Variants in UGT1A10 observed in about 807,000 individuals in gnomAD.
The protein encoded by UGT1A10 is UDP-glucuronosyltransferase 1A10.
A neutral mutation model predicts 45.8 loss-of-function variants in UGT1A10; 49 were observed. The ratio of observed to expected loss-of-function variants is 1.07; its 90% CI spans 0.85 to 1.36. The LOEUF is 1.36. Among genes scored for constraint, UGT1A10 ranks in the 40% most tolerant of loss-of-function variants. The pLI is 0.00. For synonymous variants in UGT1A10, 284 were observed against 249.7 expected (o/e 1.14, Z -1.29); for missense variants, 745 against 668.6 (o/e 1.11, Z -1.26).
At chr2:233,712,949 A>G (rs374838145) in intron 1 of UGT1A10, 2 of 1,612,750 alleles carry the variant, frequency 1.2e-6, no homozygotes, top group Non-Finnish European at 1.7e-6. Flanking sequence ...TCTAGGAGGC[A>G]CAACGTGGGG....
In UGT1A10 at chr2:233,734,566, T is replaced by C. The variant is rs182305779; in HGVS notation, c.856-32468T>C. Among the ~76,000 whole-genome samples, 74 of 152,314 alleles carry C rather than the reference T, an allele frequency of 4.9e-4. No individual in the cohort carries two copies. The East Asian group carries it at 0.013, about 27-fold the overall frequency. ...CTTCCCTTCTGCTAGCTTTTGAATT[T>C]GTTTGCTCTTGCTTATCTAGTTCTT... On this transcript the variant is annotated intron_variant, in intron 1 of 4. Coordinates refer to ENST00000344644, the MANE Select transcript of UGT1A10 (RefSeq NM_019075.4).
chr2:233,717,780 T>A, intron 1 of UGT1A10: 2 of 456,414 alleles, frequency 4.4e-6, no homozygotes, highest in African/African-American at 2.0e-5. Flanking sequence ...ATTCTCCATT[T>A]TGAAATTTGA....
chr2:233,737,584 A>G (rs552596961), intron 1 of UGT1A10, among the ~76,000 whole-genome samples: 5 of 152,256 alleles, frequency 3.3e-5, no homozygotes, highest in South Asian at 4.2e-4. Context: ...ACCAGTCCCA[A>G]TGAGATGAAC....
In UGT1A10 at chr2:233,767,076, G is replaced by A. The variant is rs770930440; in HGVS notation, c.898G>A (p.Val300Met). The A allele has an allele frequency of 8.1e-6, 13 of 1,614,020 alleles. No individual in the cohort carries two copies. The highest frequency in any genetic ancestry group is 1.6e-4 in the Middle Eastern group (1 of 6,082). ...TAATGCTTCTGGAGAACATGGAATT[G>A]TGGTTTTCTCTTTGGGATCAATGGT... is the stretch of plus-strand genomic sequence containing the variant. ...YINASGEHGI[V>M]VFSLGSMVSE... is the part of the protein sequence containing the mutation. The change falls in exon 2 of 5, where the codon GTG becomes ATG. Residue 300 changes from valine (V) to methionine (M), a missense_variant. Val to Met is a conservative substitution (Grantham distance 21). Coordinates refer to ENST00000344644, the MANE Select transcript of UGT1A10 (RefSeq NM_019075.4).
chr2:233,684,670 C>T (rs1575433301), intron 1 of UGT1A10, among the ~76,000 whole-genome samples: 1 of 151,890 alleles, frequency 6.6e-6, no homozygotes, highest in African/African-American at 2.4e-5. Flanking sequence ...AAGGAATATA[C>T]ATATGATAGG....
intron 1 of UGT1A10, among the ~76,000 whole-genome samples, chr2:233,674,569 A>G (rs991310084): frequency 6.6e-6 from 1 of 152,224 alleles, no homozygotes; most frequent in Non-Finnish European, 1.5e-5. Context: ...ATGATTTTAT[A>G]TCACCTATGA....
chr2:233,690,799 AC>A, intron 1 of UGT1A10: 1 of 1,084,250 alleles, frequency 9.2e-7, no homozygotes, highest in Non-Finnish European at 1.1e-6. Context: ...ACACACACAC[AC>A]CATTCTTAGT....
rs1315730958 is a variant in UGT1A10 at position 233,636,931 on chromosome 2, T to TAA, written c.409_410insAA (p.Leu137Ter). 4 of 1,614,230 alleles carry TAA rather than the reference T, an allele frequency of 2.5e-6. No homozygotes were observed. The South Asian group carries it at 4.4e-5, about 18-fold the overall frequency. ...TAATGACCGAAAATTAGTAGAATAC[T>TAA]TAAAGGAGAGTTCTTTTGATGCAGT... Reference protein sequence around the residue: ...LFNDRKLVEYLKESSFDAVFL... With the variant: ...LFNDRKLVEY The change falls in exon 1 of 5, where the codon TTA becomes TAATA. Residue 137 changes from leucine (L) to a stop codon, truncating the protein, a stop_gained and frameshift_variant. Transcript: ENST00000344644. LOFTEE classifies it high-confidence loss of function.
At chr2:233,737,783 T>C (rs2125810890) in intron 1 of UGT1A10, among the ~76,000 whole-genome samples, 1 of 152,286 alleles carries the variant, frequency 6.6e-6, no homozygotes, top group Non-Finnish European at 1.5e-5. Context: ...GTTAACTACA[T>C]TGGCTCAAAT....
At chr2:233,656,592 G>GTCT (rs1042328256) in intron 1 of UGT1A10, among the ~76,000 whole-genome samples, 1 of 152,174 alleles carries the variant, frequency 6.6e-6, no homozygotes, top group African/African-American at 2.4e-5. Context: ...GTGGTTTGAG[G>GTCT]TCTTGTGTGT....
At chr2:233,741,073 T>C (rs1691558137) in intron 1 of UGT1A10, among the ~76,000 whole-genome samples, 1 of 151,920 alleles carries the variant, frequency 6.6e-6, no homozygotes, top group South Asian at 2.1e-4. Context: ...AGCGAGACCC[T>C]GTCTTTAAAA....
At chr2:233,708,841 G>A (rs955602115) in intron 1 of UGT1A10, 2 of 151,974 alleles carry the variant, frequency 1.3e-5, no homozygotes, top group African/African-American at 4.8e-5. Flanking sequence ...TTGTTGCAGG[G>A]CTTTTCTTTT....
chr2:233,725,050 G>C (rs2077352447), intron 1 of UGT1A10, among the ~76,000 whole-genome samples: 1 of 147,798 alleles, frequency 6.8e-6, no homozygotes, highest in South Asian at 2.3e-4. Flanking sequence ...AGTCAGGCGT[G>C]GCGGCGCGCG....
At chr2:233,658,166 A>C (rs1002660804) in intron 1 of UGT1A10, among the ~76,000 whole-genome samples, 3 of 151,830 alleles carry the variant, frequency 2.0e-5, no homozygotes, top group Non-Finnish European at 2.9e-5. Flanking sequence ...TTACAGGTGC[A>C]CACCACCATG....
chr2:233,659,804 A>C (rs2073930328), intron 1 of UGT1A10, among the ~76,000 whole-genome samples: 1 of 152,226 alleles, frequency 6.6e-6, no homozygotes, highest in African/African-American at 2.4e-5. Flanking sequence ...TACAATTTGC[A>C]AAAGAAGTCA....
chr2:233,766,395 C>T (rs1305688036), intron 1 of UGT1A10, among the ~76,000 whole-genome samples: 1 of 152,176 alleles, frequency 6.6e-6, no homozygotes, highest in African/African-American at 2.4e-5. Flanking sequence ...GCTGTCCTTG[C>T]GTCCCTCCGC....
intron 1 of UGT1A10, among the ~76,000 whole-genome samples, chr2:233,656,437 T>C (rs2125482639): frequency 6.6e-6 from 1 of 152,360 alleles, no homozygotes. Flanking sequence ...AGTTAGTCAG[T>C]GTCCGGTGGA....
At chr2:233,699,418 A>G (rs1463010135) in intron 1 of UGT1A10, among the ~76,000 whole-genome samples, 5 of 152,178 alleles carry the variant, frequency 3.3e-5, no homozygotes, top group African/African-American at 1.2e-4. Context: ...TTTGCATTTC[A>G]TTATTAGAAG....
chr2:233,662,519 G>T (rs991631704), intron 1 of UGT1A10, among the ~76,000 whole-genome samples: 1 of 152,082 alleles, frequency 6.6e-6, no homozygotes, highest in Non-Finnish European at 1.5e-5. Flanking sequence ...TTACTTATTT[G>T]TTCTTGGAGG....
Sources: gnomAD v4.1 joint callset for allele counts (sites outside exome capture counted in the v4.1 genomes callset) on GRCh38, gnomAD v4.1.1 for gene constraint, MANE v1.5 for transcripts, NCBI Gene and HGNC (gene_info 2026-07-23, HGNC 2026-07-21) for gene names.